Variants in NAV3 observed in about 807,000 individuals in gnomAD.
NAV3 encodes the protein pore membrane and/or filament interacting like protein 1.
A neutral mutation model predicts 244.7 loss-of-function variants in NAV3; 87 were observed. The ratio of observed to expected loss-of-function variants is 0.36; its 90% confidence interval spans 0.30 to 0.42. The LOEUF (loss-of-function observed/expected upper bound fraction) is 0.42, where lower values mean the gene tolerates loss of function less well. Among genes scored for constraint, NAV3 ranks in the 20% least tolerant of loss-of-function variants. NAV3 has a pLI of 1.00. For synonymous variants in NAV3, 1,126 were observed against 1,042.2 expected, an observed-to-expected ratio of 1.08 and a Z score of -1.55; for missense variants, 2,663 against 2,893.3, an observed-to-expected ratio of 0.92 and a Z score of 1.83.
intron 34 of NAV3, 28 bp from the exon 35 acceptor site, chr12:78,197,219 C>A (rs754321750): frequency 1.3e-6 from 2 of 1,484,116 alleles, no homozygotes; most frequent in Non-Finnish European, 1.8e-6. Context: ...TTATCACTGA[C>A]GTATCTGTTT....
chr12:78,037,315 C>G (rs1880072217), intron 9 of NAV3: 1 of 702,864 alleles, frequency 1.4e-6, no homozygotes, highest in African/African-American at 1.7e-5. Flanking sequence ...GAAGGGACAG[C>G]TCATCTGGAT....
chr12:77,624,093 A>AAAAGC (rs1329962780), intron 2 of NAV3, among the ~76,000 whole-genome samples: 2 of 152,228 alleles, frequency 1.3e-5, no homozygotes. Flanking sequence ...TAAGCACCAG[A>AAAAGC]AAAGCAGGAT....
At chr12:77,649,299 T>C (rs988068442) in intron 2 of NAV3, among the ~76,000 whole-genome samples, 1 of 152,140 alleles carries the variant, frequency 6.6e-6, no homozygotes, top group African/African-American at 2.4e-5. Flanking sequence ...GTTCACAGTC[T>C]TATAGTATTT....
intron 1 of NAV3, among the ~76,000 whole-genome samples, chr12:77,900,323 G>C (rs952664200): frequency 6.6e-6 from 1 of 151,994 alleles, no homozygotes; most frequent in Non-Finnish European, 1.5e-5. Flanking sequence ...TGATCTGCCC[G>C]CCTTGGCCTC....
intron 2 of NAV3, among the ~76,000 whole-genome samples, chr12:77,759,946 A>G (rs1402343717): frequency 6.6e-6 from 1 of 152,216 alleles, no homozygotes; most frequent in Non-Finnish European, 1.5e-5. Flanking sequence ...CAGATACCCA[A>G]AGAGTGGAAT....
intron 38 of NAV3, 26 bp from the exon 39 acceptor site, chr12:78,204,909 A>T: frequency 6.2e-7 from 1 of 1,608,786 alleles, no homozygotes; most frequent in Non-Finnish European, 8.5e-7. Context: ...TTTTATATAT[A>T]TCCTAAACGC....
intron 2 of NAV3, among the ~76,000 whole-genome samples, chr12:77,810,965 T>C (rs1009516970): frequency 1.3e-5 from 2 of 152,226 alleles, no homozygotes; most frequent in African/African-American, 4.8e-5. Context: ...TCAGATCCCC[T>C]GATGTGACTA....
chr12:77,986,011 T>C (rs1384590875), intron 5 of NAV3, among the ~76,000 whole-genome samples: 1 of 152,212 alleles, frequency 6.6e-6, no homozygotes, highest in African/African-American at 2.4e-5. Context: ...ACCAAATTCC[T>C]TAGCAAATTG....
At chr12:78,000,545 C>T (rs911950297) in intron 7 of NAV3, among the ~76,000 whole-genome samples, 1 of 139,160 alleles carries the variant, frequency 7.2e-6, no homozygotes, top group Non-Finnish European at 1.5e-5. Flanking sequence ...ACTCTGTCGC[C>T]CAGGCTGGAG....
intron 2 of NAV3, among the ~76,000 whole-genome samples, chr12:77,605,342 A>G (rs1388579422): frequency 6.6e-6 from 1 of 152,126 alleles, no homozygotes; most frequent in African/African-American, 2.4e-5. Flanking sequence ...AATTACCTAT[A>G]AATATAAGGT....
chr12:77,854,476 C>T (rs1053276465), intron 1 of NAV3, among the ~76,000 whole-genome samples: 15 of 151,912 alleles, frequency 9.9e-5, no homozygotes, highest in Non-Finnish European at 1.2e-4. Flanking sequence ...CCTTGTTTTC[C>T]GAGAACATTT....
intron 8 of NAV3, among the ~76,000 whole-genome samples, chr12:78,009,294 A>C (rs1874807839): frequency 6.6e-6 from 1 of 151,926 alleles, no homozygotes; most frequent in Non-Finnish European, 1.5e-5. Context: ...ACAAGACTAT[A>C]AAAGTGAGGC....
intron 6 of NAV3, among the ~76,000 whole-genome samples, chr12:77,996,555 T>C (rs1872374149): frequency 6.6e-6 from 1 of 152,204 alleles, no homozygotes; most frequent in African/African-American, 2.4e-5. Context: ...TTTAAGTTAG[T>C]ATTTGTTTTT....
At chr12:77,961,749 G>A (rs1175906050) in intron 3 of NAV3, among the ~76,000 whole-genome samples, 1 of 138,028 alleles carries the variant, frequency 7.2e-6, no homozygotes, top group Non-Finnish European at 1.5e-5. Context: ...AAAGTAGACT[G>A]GGGAGAGAGT....
chr12:78,082,307 A>G (rs1237953498), intron 12 of NAV3, among the ~76,000 whole-genome samples: 1 of 152,214 alleles, frequency 6.6e-6, no homozygotes, highest in Non-Finnish European at 1.5e-5. Context: ...GCTTAAGGGC[A>G]CGTATTAATA....
chr12:78,097,238 T>A (rs1192485810), intron 12 of NAV3, among the ~76,000 whole-genome samples: 4 of 152,226 alleles, frequency 2.6e-5, no homozygotes, highest in Non-Finnish European at 5.9e-5. Flanking sequence ...CTTTTCAAGT[T>A]GAATCCCTTT....
intron 29 of NAV3, 124 bp downstream of exon 29, chr12:78,179,806 A>G (rs1325040178): frequency 1.8e-6 from 2 of 1,136,724 alleles, no homozygotes; most frequent in Non-Finnish European, 1.2e-6. Context: ...TACTCTGTTT[A>G]TTCAGTCTTT....
intron 5 of NAV3, among the ~76,000 whole-genome samples, chr12:77,981,816 T>C (rs1474990179): frequency 6.6e-6 from 1 of 152,106 alleles, no homozygotes; most frequent in African/African-American, 2.4e-5. Flanking sequence ...ATGGTGCTTT[T>C]AGAAGAAACA....
chr12:77,619,870 GTCTC>G (rs1185326530), intron 2 of NAV3, among the ~76,000 whole-genome samples: 3 of 151,484 alleles, frequency 2.0e-5, no homozygotes, highest in East Asian at 1.9e-4. Flanking sequence ...GTGACAAAAA[GTCTC>G]TCTCTCTCAC....
Sources: gnomAD v4.1 joint callset for allele counts (sites outside exome capture counted in the v4.1 genomes callset) on GRCh38, gnomAD v4.1.1 for gene constraint, MANE v1.5 for transcripts, NCBI Gene and HGNC (gene_info 2026-07-23, HGNC 2026-07-21) for gene names.